ZNF334: variants seen among roughly 807,000 people sequenced by gnomAD.
ZNF334 encodes the protein zinc finger protein 334.
A neutral mutation model predicts 12.4 loss-of-function variants in ZNF334; 14 were observed. The observed-to-expected ratio is 1.13, with a 90% confidence interval of 0.74 to 1.76. The LOEUF is 1.76. Ranked by LOEUF, ZNF334 falls within the 40% of genes most tolerant of loss-of-function variation. ZNF334 has a pLI of 0.00. For synonymous variants in ZNF334, 273 were observed against 269.6 expected (o/e 1.01, Z -0.12); for missense variants, 797 against 804.5 (o/e 0.99, Z 0.11).
At chr20:46,504,442 T>A (rs2061361445) in intron 3 of ZNF334, 136 bp from the exon 4 acceptor site, 1 of 1,138,738 alleles carries the variant, frequency 8.8e-7, no homozygotes, top group Non-Finnish European at 1.3e-6. Context: ...AACATTTTGG[T>A]GAAGGGTAGG....
At position 46,509,109 on chromosome 20, in the gene ZNF334, G is replaced by T. The variant is rs189383239; in HGVS notation, c.21+2973C>A. On this transcript the variant is annotated intron_variant, in intron 2 of 4. Coordinates refer to ENST00000692313, the MANE Select transcript of ZNF334 (RefSeq NM_001353824.2). ...CTAAAAGTAATCTGTATAAACACCAGACTCCTCTTCTTTTACTATAGTTTT... is the reference window on the plus strand; with the variant it reads ...CTAAAAGTAATCTGTATAAACACCATACTCCTCTTCTTTTACTATAGTTTT... Among the ~76,000 whole-genome samples, 5 of 152,244 alleles carry T rather than the reference G, an allele frequency of 3.3e-5. No homozygotes were observed. The East Asian group carries it at 9.6e-4, about 29-fold the overall frequency.
intron 2 of ZNF334, chr20:46,505,524 A>G (rs2061399381): frequency 6.5e-6 from 1 of 153,752 alleles, no homozygotes. Context: ...TCCACTTTGG[A>G]GATCACTGTT....
chr20:46,496,305 G>A (rs2061023250), downstream of ZNF334, among the ~76,000 whole-genome samples: 1 of 152,174 alleles, frequency 6.6e-6, no homozygotes, highest in African/African-American at 2.4e-5. Flanking sequence ...GCTGCTGCAT[G>A]GCCTCTTCCA....
the ZNF334 span, chr20:46,492,373 T>C: frequency 6.5e-6 from 1 of 153,106 alleles, no homozygotes; most frequent in African/African-American, 2.4e-5. Flanking sequence ...AAACCCATTC[T>C]ATAGGGAGGC....
At chr20:46,483,576 C>G in the ZNF334 span, among the ~76,000 whole-genome samples, 1 of 152,152 alleles carries the variant, frequency 6.6e-6, no homozygotes, top group African/African-American at 2.4e-5. Context: ...TTGCTCTCCC[C>G]CTACTAAGGG....
the ZNF334 span, among the ~76,000 whole-genome samples, chr20:46,463,375 T>C: frequency 8.5e-3 from 1,291 of 151,856 alleles, 17 homozygotes; most frequent in African/African-American, 0.03. Flanking sequence ...ACAGAGCAAG[T>C]TGGACAGGGT....
In ZNF334 at chr20:46,512,158, G is replaced by A; in HGVS notation, c.-38-18C>T. The A allele has an allele frequency of 6.2e-7, 1 of 1,600,114 alleles. No individual in the cohort carries two copies. The highest frequency in any genetic ancestry group is 8.6e-7 in the Non-Finnish European group (1 of 1,167,772). The stretch of plus-strand genomic sequence containing the variant: ...AAGCAGAGCTGGGTAAGGAAGAATG[G>A]CGAATGGAATCATGAGCGATTTGGC... On this transcript the variant is annotated intron_variant, in intron 1 of 4. Coordinates refer to ENST00000692313, the MANE Select transcript of ZNF334 (RefSeq NM_001353824.2).
At chr20:46,473,695 A>T in the ZNF334 span, among the ~76,000 whole-genome samples, 36 of 152,252 alleles carry the variant, frequency 2.4e-4, no homozygotes, top group Non-Finnish European at 5.0e-4. Context: ...GGATTTATTC[A>T]TCAATGAACA....
In ZNF334 at chr20:46,501,044, G is replaced by C; in HGVS notation, c.*252C>G. On this transcript the variant is annotated 3_prime_UTR_variant, in exon 5 of 5. Coordinates refer to ENST00000692313, the MANE Select transcript of ZNF334 (RefSeq NM_001353824.2). ...GTTTGTTTCATTATTTTAAAAGGGA[G>C]GCACATTTGGCATAACCTTTGAATT... 1 of 421,638 alleles carries C rather than the reference G, an allele frequency of 2.4e-6. No individual in the cohort carries two copies. The highest frequency in any genetic ancestry group is 4.2e-6 in the Non-Finnish European group (1 of 239,404). 26.1% of individuals were successfully genotyped at this position (421,638 alleles called of 1,614,324 possible). A position where few individuals can be genotyped will look rare whatever the true frequency, so the allele number is the denominator to read the frequency against.
intron 2 of ZNF334, chr20:46,509,838 A>C: frequency 3.3e-6 from 2 of 603,142 alleles, no homozygotes; most frequent in Non-Finnish European, 3.0e-6. Flanking sequence ...TTTGCATCCC[A>C]ATATAGCTCC....
At chr20:46,465,037 G>C in the ZNF334 span, 1 of 362,428 alleles carries the variant, frequency 2.8e-6, no homozygotes, top group Non-Finnish European at 5.5e-6. Flanking sequence ...ACTACGCCAT[G>C]TGGACTGTCA....
chr20:46,484,023 G>A, the ZNF334 span, among the ~76,000 whole-genome samples: 1 of 152,070 alleles, frequency 6.6e-6, no homozygotes, highest in Admixed American at 6.6e-5. Context: ...TTATAATACT[G>A]GTCCAAAACC....
chr20:46,511,782 A>G (rs554085443), intron 2 of ZNF334, among the ~76,000 whole-genome samples: 1 of 152,290 alleles, frequency 6.6e-6, no homozygotes, highest in South Asian at 2.1e-4. Context: ...TGTTTTTGGC[A>G]GAACTGTCTC....
chr20:46,475,827 G>C, the ZNF334 span, among the ~76,000 whole-genome samples: 1 of 152,222 alleles, frequency 6.6e-6, no homozygotes, highest in Non-Finnish European at 1.5e-5. Context: ...TTGCTGGTGG[G>C]AATGTAAAAT....
the ZNF334 span, among the ~76,000 whole-genome samples, chr20:46,471,907 C>A: frequency 1.3e-5 from 2 of 152,162 alleles, no homozygotes; most frequent in African/African-American, 4.8e-5. Flanking sequence ...TATTCTTGGC[C>A]ATTTGCATTT....
At chr20:46,484,386 T>C in the ZNF334 span, 1 of 167,020 alleles carries the variant, frequency 6.0e-6, no homozygotes, top group Non-Finnish European at 1.5e-5. Flanking sequence ...TTCCCTAGAA[T>C]GCCCAATTTG....
the ZNF334 span, among the ~76,000 whole-genome samples, chr20:46,466,452 C>A: frequency 2.8e-4 from 43 of 152,092 alleles, no homozygotes; most frequent in African/African-American, 9.4e-4. Flanking sequence ...CCATAAATTA[C>A]AAATTAAAAA....
At chr20:46,512,328 C>G (rs2061682503) in intron 1 of ZNF334, among the ~76,000 whole-genome samples, 188 bp from the exon 2 acceptor site, 1 of 152,188 alleles carries the variant, frequency 6.6e-6, no homozygotes, top group Non-Finnish European at 1.5e-5. Flanking sequence ...TAGAGCTTTT[C>G]TTACTGAGTG....
intron 2 of ZNF334, chr20:46,506,285 A>G (rs1056475508): frequency 3.5e-6 from 2 of 570,712 alleles, no homozygotes; most frequent in Admixed American, 3.1e-5. Flanking sequence ...CAAAGTATTA[A>G]AGAATATCTA....
Sources: gnomAD v4.1 joint callset for allele counts (sites outside exome capture counted in the v4.1 genomes callset) on GRCh38, gnomAD v4.1.1 for gene constraint, MANE v1.5 for transcripts, NCBI Gene and HGNC (gene_info 2026-07-23, HGNC 2026-07-21) for gene names.